Variants in SOX6 observed in about 807,000 individuals in gnomAD.
The protein encoded by SOX6 is SRY-box transcription factor 6, also known as transcription factor SOX-6.
SOX6 carries 11 observed loss-of-function variants against 97.8 expected under a neutral mutation model. That is an observed-to-expected ratio of 0.11 (90% CI 0.07 to 0.19). SOX6 has a LOEUF of 0.19. Ranked by LOEUF, SOX6 falls within the 10% of genes least tolerant of loss-of-function variation. SOX6 has a pLI of 1.00. For missense variants in SOX6, 810 were observed against 1,039.5 expected (o/e 0.78, Z 3.04); for synonymous variants, 360 against 371.4 (o/e 0.97, Z 0.35).
At chr11:16,017,893 T>C (rs1854935643) in intron 12 of SOX6, among the ~76,000 whole-genome samples, 1 of 152,110 alleles carries the variant, frequency 6.6e-6, no homozygotes, top group Admixed American at 6.6e-5. Context: ...TCAATGCTAA[T>C]TTAATCCCAC....
rs187988238 is a variant in SOX6 at position 16,325,942 on chromosome 11, G to A, written c.238-7289C>T. Among the ~76,000 whole-genome samples the A allele has an allele frequency of 3.4e-3, 512 of 152,224 alleles. 1 individual carries two copies. Among genetic ancestry groups the A allele is most frequent in the Non-Finnish European group, 5.7e-3 (386 of 68,020 alleles). On this transcript the variant is annotated intron_variant, in intron 2 of 15. Transcript: ENST00000683767. ...AGTTTGTTGATCCTGTCAAGGTGTC[G>A]TCTTGGAAGCAGAGACTGGGCCTTC...
At chr11:16,375,973 A>C (rs1857631702) in intron 1 of SOX6, among the ~76,000 whole-genome samples, 1 of 152,150 alleles carries the variant, frequency 6.6e-6, no homozygotes. Flanking sequence ...GTGGGAGTTG[A>C]ACAATGAGAA....
At chr11:16,262,706 A>G (rs1853940539) in intron 3 of SOX6, among the ~76,000 whole-genome samples, 1 of 152,052 alleles carries the variant, frequency 6.6e-6, no homozygotes, top group Non-Finnish European at 1.5e-5. Flanking sequence ...ATATATAGGC[A>G]TTGGCTTTAC....
rs559219836 is a variant in SOX6 at position 16,610,135 on chromosome 11, G to A, written n.609+1946C>T. Among the ~76,000 whole-genome samples the A allele has an allele frequency of 1.4e-4, 21 of 152,236 alleles. No individual in the cohort carries two copies. Among genetic ancestry groups the A allele is most frequent in the Non-Finnish European group, 2.5e-4 (17 of 68,028 alleles). On this transcript the variant is annotated intron_variant and non_coding_transcript_variant, in intron 4 of 5. Coordinates refer to the SOX6 transcript ENST00000524520. This position sits in a 1 kb window ranked among gnomAD's most constrained non-coding sequence, Gnocchi z 4.4. Reference sequence around the variant, plus strand: ...AGTGTCGTTGGGCCTGTTCCAGAGCGTTGCACTCCTCAGCTGTCTGCCCTG... The same window carrying A: ...AGTGTCGTTGGGCCTGTTCCAGAGCATTGCACTCCTCAGCTGTCTGCCCTG...
intron 1 of SOX6, among the ~76,000 whole-genome samples, chr11:16,470,305 A>G (rs935416986): frequency 7.9e-5 from 12 of 152,150 alleles, no homozygotes; most frequent in South Asian, 4.1e-4. Context: ...TTTAAAGATA[A>G]CGCACTTAGA....
At chr11:16,090,477 C>T (rs528066057) in intron 9 of SOX6, among the ~76,000 whole-genome samples, 2 of 152,154 alleles carry the variant, frequency 1.3e-5, no homozygotes, top group African/African-American at 4.8e-5. Flanking sequence ...TTAGGAATTG[C>T]CTTTATATTT....
At chr11:16,386,349 G>A (rs1484253963) in intron 1 of SOX6, among the ~76,000 whole-genome samples, 4 of 151,510 alleles carry the variant, frequency 2.6e-5, no homozygotes, top group Non-Finnish European at 5.9e-5. Context: ...GGGGCAGGTG[G>A]GGGGTGAAGT....
intron 6 of SOX6, among the ~76,000 whole-genome samples, chr11:16,170,699 T>A (rs1356768398): frequency 6.6e-6 from 1 of 152,002 alleles, no homozygotes; most frequent in Non-Finnish European, 1.5e-5. Context: ...TCTGTCAAGG[T>A]GGAGATTAAA....
intron 13 of SOX6, among the ~76,000 whole-genome samples, chr11:16,005,471 G>A (rs888149429): frequency 2.0e-5 from 3 of 151,950 alleles, no homozygotes; most frequent in African/African-American, 7.2e-5. Context: ...GAATTATGAA[G>A]GATTTGAATT....
intron 3 of SOX6, among the ~76,000 whole-genome samples, chr11:16,616,871 G>A (rs1848476962): frequency 6.6e-6 from 1 of 151,778 alleles, no homozygotes; most frequent in Non-Finnish European, 1.5e-5. Context: ...TTAAAAATAG[G>A]ATGTATACTT....
intron 1 of SOX6, among the ~76,000 whole-genome samples, chr11:16,364,719 A>C: frequency 6.6e-6 from 1 of 152,178 alleles, no homozygotes; most frequent in East Asian, 1.9e-4. Context: ...TGCTAGTATT[A>C]TCACTCAGAA....
At chr11:16,359,720 AGAG>A (rs1857161343), upstream of SOX6, among the ~76,000 whole-genome samples, 1 of 152,186 alleles carries the variant, frequency 6.6e-6, no homozygotes, top group Non-Finnish European at 1.5e-5. Flanking sequence ...TAGGGAACGA[AGAG>A]GAGGAAATAA....
chr11:16,341,156 C>T lies in SOX6; in HGVS notation c.93G>A (p.Glu31=), dbSNP rs780500729. The T allele has an allele frequency of 1.9e-6, 3 of 1,613,304 alleles. No individual in the cohort carries two copies. The Admixed American group carries it at 5.0e-5, about 27-fold the overall frequency. The change falls in exon 2 of 16, where the codon GAG becomes GAA. Residue 31 remains glutamate, a synonymous_variant. Transcript: ENST00000683767. ...GGGAGGCCACATGTTGATCACTGCC[C>T]TCTTCCTTTTCCCTTGAGGTTAAAT... ...TQDLTSREKE[E]GSDQHVASHL...
At chr11:16,255,459 T>C (rs1425940942) in intron 3 of SOX6, among the ~76,000 whole-genome samples, 2 of 152,080 alleles carry the variant, frequency 1.3e-5, no homozygotes, top group African/African-American at 4.8e-5. Context: ...ATAGCTGGAA[T>C]AACCCAAAAT....
intron 3 of SOX6, among the ~76,000 whole-genome samples, chr11:16,664,444 G>A (rs1427753795): frequency 6.6e-6 from 1 of 152,146 alleles, no homozygotes; most frequent in Non-Finnish European, 1.5e-5. Flanking sequence ...CCCTGTCACA[G>A]CAGAAAGCAA....
At chr11:16,433,082 G>A (rs943678696) in intron 1 of SOX6, among the ~76,000 whole-genome samples, 1 of 151,888 alleles carries the variant, frequency 6.6e-6, no homozygotes, top group Non-Finnish European at 1.5e-5. Flanking sequence ...GAAACCTCTC[G>A]AACCAGACTG....
chr11:16,382,949 A>C (rs981213681), intron 1 of SOX6, among the ~76,000 whole-genome samples: 8 of 151,850 alleles, frequency 5.3e-5, no homozygotes, highest in Non-Finnish European at 1.2e-4. Flanking sequence ...ACTAATTAAA[A>C]CTTTTTGCTC....
At chr11:16,009,520 C>T (rs944547319) in intron 13 of SOX6, among the ~76,000 whole-genome samples, 3 of 152,016 alleles carry the variant, frequency 2.0e-5, no homozygotes, top group Non-Finnish European at 2.9e-5. Context: ...GTAGAAGTTA[C>T]AAGAAAGTGA....
In SOX6 at chr11:16,488,363, T is replaced by TA. The variant is rs144359360; in HGVS notation, n.610-11976dup. Among the ~76,000 whole-genome samples the TA allele has an allele frequency of 2.3e-3, 343 of 151,564 alleles. 1 individual carries two copies. The highest frequency in any genetic ancestry group is 5.6e-3 in the African/African-American group (232 of 41,366). On this transcript the variant is annotated intron_variant and non_coding_transcript_variant, in intron 4 of 5. Coordinates refer to the SOX6 transcript ENST00000524520. The stretch of plus-strand genomic sequence containing the variant: ...AACTATATAATCTCACTTTCTAAAA[T>TA]AAAAAAAAATACTTTTAAAGATGAG...
Sources: gnomAD v4.1 joint callset for allele counts (sites outside exome capture counted in the v4.1 genomes callset) on GRCh38, gnomAD v4.1.1 for gene constraint, Gnocchi (gnomAD v3.1) non-coding constraint, MANE v1.5 for transcripts, NCBI Gene and HGNC (gene_info 2026-07-23, HGNC 2026-07-21) for gene names.